ACACA: variants seen among roughly 807,000 people sequenced by gnomAD.
ACACA encodes acetyl-CoA carboxylase 1.
A neutral mutation model predicts 296.1 loss-of-function variants in ACACA; 103 were observed. The observed-to-expected ratio is 0.35, with a 90% CI of 0.30 to 0.41. The LOEUF (loss-of-function observed/expected upper bound fraction) is 0.41. ACACA is among the 10% of genes least tolerant of loss of function. ACACA has a pLI of 1.00. For missense variants in ACACA, 1,554 were observed against 2,989.7 expected (o/e 0.52, Z 11.20); for synonymous variants, 953 against 1,038.6 (o/e 0.92, Z 1.58).
rs536724815 is a variant in ACACA, at chr17:37,222,949, T to C, written c.3564+563A>G. Among the ~76,000 whole-genome samples the C allele has an allele frequency of 1.2e-3, 189 of 152,352 alleles. 2 individuals carry two copies. The highest frequency in any genetic ancestry group is 1.1e-3 in the Non-Finnish European group (72 of 68,044). On this transcript the variant is annotated intron_variant, in intron 28 of 55. Transcript: ENST00000616317. The stretch of plus-strand genomic sequence containing the variant: ...TGCAAACTCTTCCACTTATTATCTA[T>C]GTGATTTTGGACAAATCACTTAACC...
intron 54 of ACACA, among the ~76,000 whole-genome samples, chr17:37,095,966 G>T (rs1182718265): frequency 1.3e-5 from 2 of 152,092 alleles, no homozygotes; most frequent in Non-Finnish European, 2.9e-5. Context: ...CATCTCAGTG[G>T]GGTTACTGCT....
At chr17:37,305,360 TTTC>T (rs2083822101) in intron 3 of ACACA, among the ~76,000 whole-genome samples, 1 of 152,202 alleles carries the variant, frequency 6.6e-6, no homozygotes, top group Admixed American at 6.5e-5. Flanking sequence ...CTCAGCTCAT[TTTC>T]TTTTTATTTC....
intron 11 of ACACA, among the ~76,000 whole-genome samples, chr17:37,260,249 CATATATATATATATATATATATATATAT>C (rs1172232844): frequency 9.8e-5 from 3 of 30,500 alleles, no homozygotes; most frequent in Admixed American, 6.4e-4. Flanking sequence ...ACTCCCAAGT[CATATATATATATATATATATATATATAT>C]ATATATATAT....
chr17:37,376,040 G>A (rs2049987350), intron 1 of ACACA: 13 of 1,489,684 alleles, frequency 8.7e-6, no homozygotes, highest in Non-Finnish European at 1.2e-5. Context: ...GCTATCAAGG[G>A]CTGTGACAGA....
chr17:37,206,391 C>A (rs901055529), intron 32 of ACACA, among the ~76,000 whole-genome samples: 2 of 151,988 alleles, frequency 1.3e-5, no homozygotes, highest in African/African-American at 4.8e-5. Context: ...CAACAAAATG[C>A]CTACTTTTTT....
At chr17:37,116,694 C>T (rs558602468) in intron 50 of ACACA, among the ~76,000 whole-genome samples, 1 of 152,294 alleles carries the variant, frequency 6.6e-6, no homozygotes, top group East Asian at 1.9e-4. Flanking sequence ...ACTCTGTAAT[C>T]GACATGCTCA....
intron 11 of ACACA, 38 bp from the exon 12 acceptor site, chr17:37,259,568 C>G: frequency 6.2e-7 from 1 of 1,610,678 alleles, no homozygotes; most frequent in Non-Finnish European, 8.5e-7. Context: ...AGTATCTCAC[C>G]TTATCCAACT....
At chr17:37,333,600 G>T (rs1393640261) in intron 2 of ACACA, among the ~76,000 whole-genome samples, 1 of 151,832 alleles carries the variant, frequency 6.6e-6, no homozygotes, top group African/African-American at 2.4e-5. Context: ...GCTAACCAAT[G>T]GAAATTACTT....
chr17:37,247,453 C>A (rs1025788233), intron 18 of ACACA, among the ~76,000 whole-genome samples: 12 of 151,730 alleles, frequency 7.9e-5, no homozygotes, highest in Admixed American at 4.6e-4. Context: ...CCGCAACCTC[C>A]ACCTCCCAGG....
chr17:37,114,763 T>C (rs2074160018), intron 50 of ACACA, among the ~76,000 whole-genome samples: 1 of 152,298 alleles, frequency 6.6e-6, no homozygotes, highest in South Asian at 2.1e-4. Flanking sequence ...GGAGCCACAA[T>C]GGATCCTTTC....
intron 1 of ACACA, among the ~76,000 whole-genome samples, chr17:37,383,633 C>T (rs566179463): frequency 6.6e-6 from 1 of 152,300 alleles, no homozygotes; most frequent in Admixed American, 6.5e-5. Context: ...CTGCAACCTC[C>T]GCCTCCCAGG....
intron 17 of ACACA, 58 bp downstream of exon 17, chr17:37,248,535 A>G: frequency 7.6e-7 from 1 of 1,319,776 alleles, no homozygotes; most frequent in Non-Finnish European, 1.1e-6. Flanking sequence ...CCTGCCTCTC[A>G]ACCTAAAGAA....
chr17:37,129,422 C>T lies in ACACA; in HGVS notation c.5887G>A (p.Val1963Ile). 2 of 1,614,090 alleles carry T rather than the reference C, an allele frequency of 1.2e-6. No individual in the cohort carries two copies. The highest frequency in any genetic ancestry group is 1.3e-5 in the African/African-American group (1 of 75,040). ...KDPIDRIIEF[V>I]PTKTPYDPRW... ...GGATCGTATGGGGTCTTTGTGGGAA[C>T]AAACTCGATGATTCTGTCTATAGGA... is the stretch of plus-strand genomic sequence containing the variant. The change falls in exon 47 of 56, where the codon GTT (valine) becomes ATT (isoleucine). Residue 1963 changes from valine (V) to isoleucine (I), a missense_variant. By Grantham distance (29) the Val-to-Ile change is conservative. Coordinates refer to ENST00000616317, the MANE Select transcript of ACACA (RefSeq NM_198834.3).
In ACACA at chr17:37,250,287, C is replaced by T. The variant is rs931837752; in HGVS notation, c.2082-1613G>A. ...GAGGTAAGAGAGAGACTTCTCACTG[C>T]TTATCTTTTTTGTGCCTTTTGAATT... On this transcript the variant is annotated intron_variant, in intron 16 of 55. Coordinates refer to ENST00000616317, the MANE Select transcript of ACACA (RefSeq NM_198834.3). Among the ~76,000 whole-genome samples the T allele has an allele frequency of 3.3e-5, 5 of 152,180 alleles. No individual in the cohort carries two copies. The East Asian group carries it at 7.7e-4, about 23-fold the overall frequency.
At chr17:37,192,569 AAAAC>A (rs1372841950) in intron 36 of ACACA, among the ~76,000 whole-genome samples, 1 of 152,156 alleles carries the variant, frequency 6.6e-6, no homozygotes, top group African/African-American at 2.4e-5. Flanking sequence ...ATATACATGA[AAAAC>A]AAACAAAAAA....
At chr17:37,175,539 A>T (rs534148475) in intron 41 of ACACA, among the ~76,000 whole-genome samples, 1 of 152,344 alleles carries the variant, frequency 6.6e-6, no homozygotes, top group African/African-American at 2.4e-5. Context: ...AACAGCACAC[A>T]TTCATCTAGC....
At chr17:37,338,010 T>C (rs2048204790) in intron 2 of ACACA, among the ~76,000 whole-genome samples, 1 of 151,536 alleles carries the variant, frequency 6.6e-6, no homozygotes, top group African/African-American at 2.4e-5. Flanking sequence ...GGCAGGAGTA[T>C]GGCGTGAACC....
In ACACA at chr17:37,330,310, C is replaced by T. The variant is rs2047817017; in HGVS notation, c.201G>A (p.Glu67=). 3 of 1,614,100 alleles carry T rather than the reference C, an allele frequency of 1.9e-6. No individual in the cohort carries two copies. ...IIGSVSEDNS[E]DEISNLVKLD... is the part of the protein sequence containing the mutation. The stretch of plus-strand genomic sequence containing the variant: ...ACTTCACCAGGTTGCTGATCTCATC[C>T]TCTGAGTTATCTTCAGACACAGAAC... Residue 67 remains glutamate, a synonymous_variant, in exon 3 of 56, where the codon GAG becomes GAA. Transcript: ENST00000616317.
chr17:37,269,944 G>A (rs1364257843), intron 10 of ACACA, among the ~76,000 whole-genome samples: 4 of 152,156 alleles, frequency 2.6e-5, no homozygotes, highest in Non-Finnish European at 1.5e-5. Flanking sequence ...AGGAAAAAAA[G>A]TGAGTTAAAT....
Sources: gnomAD v4.1 joint callset for allele counts (sites outside exome capture counted in the v4.1 genomes callset) on GRCh38, gnomAD v4.1.1 for gene constraint, MANE v1.5 for transcripts, NCBI Gene and HGNC (gene_info 2026-07-23, HGNC 2026-07-21) for gene names.